The following CBFA2T3 variants were observed in gnomAD, a reference collection of about 807,000 sequenced individuals.
CBFA2T3 encodes CBFA2/RUNX1 partner transcriptional co-repressor 3, also known as transcriptional corepressor CBFA2T3.
In CBFA2T3, 31 loss-of-function variants were observed where a neutral mutation model predicts 58.6. That is an observed-to-expected ratio of 0.53 (90% confidence interval 0.40 to 0.71). The LOEUF is 0.71. CBFA2T3 is among the 30% of genes least tolerant of loss of function. The probability of loss-of-function intolerance (pLI) is 0.00; values close to 1 mark genes in which losing one functional copy is unlikely to be tolerated. For synonymous variants in CBFA2T3, 531 were observed against 421.9 expected, an observed-to-expected ratio of 1.26 and a Z score of -3.17; for missense variants, 1,076 against 963.1, an observed-to-expected ratio of 1.12 and a Z score of -1.55.
At chr16:88,961,031 C>G (rs1175249191) in intron 1 of CBFA2T3, among the ~76,000 whole-genome samples, 1 of 152,204 alleles carries the variant, frequency 6.6e-6, no homozygotes, top group African/African-American at 2.4e-5. Flanking sequence ...CTGATGAAGT[C>G]ACAGAATCCA....
chr16:88,881,825 G>A (rs2142537899), intron 8 of CBFA2T3, among the ~76,000 whole-genome samples: 1 of 152,376 alleles, frequency 6.6e-6, no homozygotes, highest in East Asian at 1.9e-4. Flanking sequence ...ATGAGGGCGA[G>A]GGGCGAGGCT....
chr16:88,975,425 G>A (rs117826371), intron 1 of CBFA2T3, among the ~76,000 whole-genome samples: 11,022 of 152,292 alleles, frequency 0.072, 485 homozygotes, highest in South Asian at 0.16. Flanking sequence ...TCTCCGCGCC[G>A]GTGAGAACCT....
chr16:88,931,868 G>A (rs1035238241), intron 1 of CBFA2T3, among the ~76,000 whole-genome samples: 1 of 152,134 alleles, frequency 6.6e-6, no homozygotes, highest in African/African-American at 2.4e-5. Context: ...AGAGGGGATG[G>A]GGAGGAGGGT....
intron 1 of CBFA2T3, among the ~76,000 whole-genome samples, chr16:88,903,120 C>A (rs1970165156): frequency 6.6e-6 from 1 of 152,178 alleles, no homozygotes; most frequent in Non-Finnish European, 1.5e-5. Context: ...GGGGCCCCAG[C>A]ACCATCGTCA....
chr16:88,969,407 C>T (rs1972592811), intron 1 of CBFA2T3, among the ~76,000 whole-genome samples: 2 of 152,236 alleles, frequency 1.3e-5, no homozygotes, highest in South Asian at 4.1e-4. Context: ...GGCCTGGTGT[C>T]TGCAGGGCCA....
chr16:88,909,060 C>G (rs1970435828), intron 1 of CBFA2T3, among the ~76,000 whole-genome samples: 1 of 152,188 alleles, frequency 6.6e-6, no homozygotes, highest in South Asian at 2.1e-4. Flanking sequence ...CCACAGGCCC[C>G]AGGCAGGGGA....
intron 1 of CBFA2T3, among the ~76,000 whole-genome samples, chr16:88,962,701 G>A (rs564414183): frequency 8.5e-5 from 13 of 152,234 alleles, no homozygotes; most frequent in Non-Finnish European, 1.6e-4. Flanking sequence ...AGCACCTCCT[G>A]TGGTCCTCAC....
intron 5 of CBFA2T3, 77 bp downstream of exon 5, chr16:88,891,805 G>T: frequency 9.8e-7 from 1 of 1,019,694 alleles, no homozygotes; most frequent in Non-Finnish European, 1.5e-6. Flanking sequence ...GTCCACCGCT[G>T]TCCACGCTGG....
chr16:88,969,492 C>T (rs933124308), intron 1 of CBFA2T3, among the ~76,000 whole-genome samples: 1 of 152,220 alleles, frequency 6.6e-6, no homozygotes, highest in Admixed American at 6.5e-5. Flanking sequence ...CAAATCCCAC[C>T]CCAGCCTTCA....
intron 2 of CBFA2T3, among the ~76,000 whole-genome samples, chr16:88,901,152 G>A (rs566175051): frequency 2.7e-3 from 404 of 152,358 alleles, no homozygotes; most frequent in African/African-American, 8.9e-3. Flanking sequence ...TAGGCCTGCC[G>A]GACGAGGCAG....
intron 5 of CBFA2T3, among the ~76,000 whole-genome samples, 170 bp downstream of exon 5, chr16:88,891,712 A>C (rs1334597707): frequency 3.3e-5 from 5 of 151,992 alleles, no homozygotes; most frequent in African/African-American, 1.2e-4. Flanking sequence ...CTAGGGTACC[A>C]CAGGGTCCCA....
At chr16:88,931,800 C>T (rs1246449247) in intron 1 of CBFA2T3, among the ~76,000 whole-genome samples, 3 of 152,068 alleles carry the variant, frequency 2.0e-5, no homozygotes, top group Non-Finnish European at 2.9e-5. Context: ...CTGTGGTCCC[C>T]AGTGAGCCCT....
chr16:88,916,312 G>A (rs936666553), intron 1 of CBFA2T3, among the ~76,000 whole-genome samples: 8 of 147,702 alleles, frequency 5.4e-5, no homozygotes, highest in Non-Finnish European at 1.2e-4. Context: ...GTGTATGCGT[G>A]TGTATTCATG....
chr16:88,930,210 A>G (rs1228135983), intron 1 of CBFA2T3, among the ~76,000 whole-genome samples: 1 of 149,670 alleles, frequency 6.7e-6, no homozygotes, highest in African/African-American at 2.5e-5. Flanking sequence ...CATCCACGCA[A>G]AAGTCACCAA....
intron 2 of CBFA2T3, among the ~76,000 whole-genome samples, chr16:88,898,949 G>A (rs1969997980): frequency 6.6e-6 from 1 of 152,248 alleles, no homozygotes; most frequent in African/African-American, 2.4e-5. Flanking sequence ...AAGACGGGTA[G>A]TGAGTTCTCT....
intron 1 of CBFA2T3, among the ~76,000 whole-genome samples, chr16:88,910,199 C>G (rs1454166190): frequency 6.6e-6 from 1 of 152,260 alleles, no homozygotes; most frequent in Non-Finnish European, 1.5e-5. Flanking sequence ...GAATGCACTT[C>G]CACCAGGTCC....
At chr16:88,893,406 T>C (rs1039850135) in intron 3 of CBFA2T3, among the ~76,000 whole-genome samples, 7 of 147,798 alleles carry the variant, frequency 4.7e-5, no homozygotes, top group African/African-American at 1.8e-4. Flanking sequence ...CTGAGCAATG[T>C]CCCAGACAGG....
chr16:88,893,619 C>G (rs1176712136), intron 3 of CBFA2T3, among the ~76,000 whole-genome samples: 2 of 152,320 alleles, frequency 1.3e-5, no homozygotes, highest in Admixed American at 6.5e-5. Flanking sequence ...ATGTTGAGGA[C>G]AAGCAGGTGA....
intron 11 of CBFA2T3, among the ~76,000 whole-genome samples, chr16:88,877,602 C>T (rs1044856329): frequency 4.6e-5 from 7 of 152,182 alleles, no homozygotes; most frequent in Admixed American, 6.5e-5. Flanking sequence ...GGCGTGGCCC[C>T]GGCAGGATTG....
Sources: gnomAD v4.1 joint callset for allele counts (sites outside exome capture counted in the v4.1 genomes callset) on GRCh38, gnomAD v4.1.1 for gene constraint, MANE v1.5 for transcripts, NCBI Gene and HGNC (gene_info 2026-07-23, HGNC 2026-07-21) for gene names.